BBS5: variants seen among roughly 807,000 people sequenced by gnomAD.
The protein encoded by BBS5 is Bardet-Biedl syndrome 5.
BBS5 carries 39 observed loss-of-function variants against 50.2 expected under a neutral mutation model. The ratio of observed to expected loss-of-function variants is 0.78; its 90% CI spans 0.60 to 1.01. The LOEUF (loss-of-function observed/expected upper bound fraction) is 1.01. Ranked by LOEUF, BBS5 falls within the 50% of genes least tolerant of loss-of-function variation. The pLI is 0.00. For synonymous variants in BBS5, 134 were observed against 133.1 expected (o/e 1.01, Z -0.05); for missense variants, 356 against 401.5 (o/e 0.89, Z 0.97).
chr2:169,489,474 ATT>A (rs1297639777), intron 5 of BBS5, among the ~76,000 whole-genome samples: 4 of 136,096 alleles, frequency 2.9e-5, no homozygotes, highest in Non-Finnish European at 3.3e-5. Flanking sequence ...AAAAAAAAAA[ATT>A]TTTTTTTTTT....
chr2:169,489,315 T>C (rs967568700), intron 5 of BBS5, among the ~76,000 whole-genome samples: 3 of 151,726 alleles, frequency 2.0e-5, no homozygotes, highest in African/African-American at 7.3e-5. Context: ...ACAAAAAAAT[T>C]AGCTGAGCAT....
chr2:169,492,120 C>T (rs1263459739), intron 5 of BBS5, among the ~76,000 whole-genome samples: 3 of 151,758 alleles, frequency 2.0e-5, no homozygotes, highest in South Asian at 2.1e-4. Context: ...AATAATTGGA[C>T]GCCTGTTTAT....
Position 169,487,830 on chromosome 2 carries a change from A to G in BBS5, c.233A>G (p.Asn78Ser). Residue 78 changes from asparagine (N) to serine (S), a missense_variant, in exon 4 of 12, where the codon AAT (asparagine) becomes AGT (serine). Transcript: ENST00000295240. ...NVSVGYNCIL[N>S]ITTRTANSKL... ...GCTGTCGGTTACAATTGCATATTGA[A>G]TATTACAACAAGGACTGCTAACTCT... 6.2e-7 allele frequency: 1 copy of G among 1,608,440 alleles called. No homozygotes were observed. Among genetic ancestry groups the G allele is most frequent in the Non-Finnish European group, 8.5e-7 (1 of 1,175,568 alleles).
Position 169,505,008 on chromosome 2 carries a change from A to G in BBS5, c.*426A>G. ...AAAGAACTTCTTCCCAAAATGGCCGAAGCTGGACTGTACTGCTGCCATCTC... is the reference window on the plus strand; with the variant it reads ...AAAGAACTTCTTCCCAAAATGGCCGGAGCTGGACTGTACTGCTGCCATCTC... On this transcript the variant is annotated 3_prime_UTR_variant, in exon 12 of 12. Coordinates refer to ENST00000295240, the MANE Select transcript of BBS5 (RefSeq NM_152384.3). 1.2e-6 allele frequency: 2 copies of G among 1,605,670 alleles called. No individual in the cohort carries two copies. Among genetic ancestry groups the G allele is most frequent in the East Asian group, 4.5e-5 (2 of 44,828 alleles).
intron 10 of BBS5, among the ~76,000 whole-genome samples, chr2:169,503,881 A>G (rs916184320): frequency 1.3e-5 from 2 of 152,246 alleles, no homozygotes; most frequent in Non-Finnish European, 2.9e-5. Context: ...CTCAAACTGT[A>G]TGCATCTGCT....
At chr2:169,487,612 GA>G (rs1385350791) in intron 3 of BBS5, 193 bp from the exon 4 acceptor site, 2 of 443,804 alleles carry the variant, frequency 4.5e-6, no homozygotes, top group African/African-American at 4.1e-5. Flanking sequence ...TTTGTTCAAG[GA>G]GACAGAATTG....
chr2:169,503,506 GAAAA>G (rs1168705916), intron 10 of BBS5, among the ~76,000 whole-genome samples: 1 of 151,022 alleles, frequency 6.6e-6, no homozygotes, highest in Non-Finnish European at 1.5e-5. Context: ...TATAAAAAAA[GAAAA>G]AAAAGGAAAG....
Position 169,479,532 on chromosome 2 carries a change from C to T in BBS5, c.-22C>T, listed in dbSNP as rs111636835. On this transcript the variant is annotated 5_prime_UTR_variant, in exon 1 of 12. Coordinates refer to ENST00000295240, the MANE Select transcript of BBS5 (RefSeq NM_152384.3). ...TAGGCCTGCACGGCTGTGGAGAGAT[C>T]CTGCCACGGGCCTTGTTCACCATGT... 5.1e-3 allele frequency: 8,169 copies of T among 1,614,024 alleles called. 355 individuals carry two copies. The African/African-American group carries it at 0.095, about 19-fold the overall frequency.
At chr2:169,489,567 G>C (rs1683553339) in intron 5 of BBS5, among the ~76,000 whole-genome samples, 1 of 149,782 alleles carries the variant, frequency 6.7e-6, no homozygotes, top group African/African-American at 2.5e-5. Flanking sequence ...CAGCCTCCCA[G>C]AGTGCTGGGA....
chr2:169,480,492 C>A (rs527400964), intron 1 of BBS5, among the ~76,000 whole-genome samples: 3 of 151,920 alleles, frequency 2.0e-5, no homozygotes, highest in African/African-American at 7.3e-5. Context: ...CGTTCCTTAT[C>A]ATGGACCTCA....
rs990584365 is a variant in BBS5 at position 169,497,800 on chromosome 2, T to G, written c.681+111T>G. On this transcript the variant is annotated intron_variant, in intron 8 of 11. Coordinates refer to ENST00000295240, the MANE Select transcript of BBS5 (RefSeq NM_152384.3). ...GTTTACATCTGAGAAGAATATTAGC[T>G]TTAATATGAAGTTATATATGAAGTG... is the stretch of plus-strand genomic sequence containing the variant. 7 of 730,848 alleles carry G rather than the reference T, an allele frequency of 9.6e-6. No individual in the cohort carries two copies. The African/African-American group carries it at 1.2e-4, about 13-fold the overall frequency. The allele number at this position is 730,848 out of a possible 1,614,324, so 45.3% of individuals were successfully genotyped here. A position where few individuals can be genotyped will look rare whatever the true frequency, so the allele number is the denominator to read the frequency against.
chr2:169,494,401 T>C (rs939945699), intron 7 of BBS5, among the ~76,000 whole-genome samples: 10 of 152,170 alleles, frequency 6.6e-5, no homozygotes, highest in Admixed American at 3.9e-4. Flanking sequence ...TGATAATACT[T>C]TCAGCTTAAG....
Position 169,480,033 on chromosome 2 carries a change from CCA to C in BBS5, c.59+424_59+425del, listed in dbSNP as rs1158197468. Among the ~76,000 whole-genome samples the C allele has an allele frequency of 1.4e-4, 21 of 152,226 alleles. No homozygotes were observed. The Middle Eastern group carries it at 0.01, about 74-fold the overall frequency. On this transcript the variant is annotated intron_variant, in intron 1 of 11. Transcript: ENST00000295240. Reference sequence around the variant, plus strand: ...CTAAAAGTAGATGTGTAATATCGACCCACAGTGTGGGCCCTTGAGCAGATGTC... The same window carrying C: ...CTAAAAGTAGATGTGTAATATCGACCCAGTGTGGGCCCTTGAGCAGATGTC...
intron 10 of BBS5, 138 bp downstream of exon 10, chr2:169,503,316 T>A: frequency 1.4e-6 from 1 of 737,578 alleles, no homozygotes; most frequent in Non-Finnish European, 2.3e-6. Context: ...AGATAATATT[T>A]TTAGTGAGGG....
Position 169,504,906 on chromosome 2 carries a change from A to G in BBS5, c.*324A>G. ...GCCCGGCTGCAAATTCGCCCAGCCA[A>G]TGGGGACGTTGCGGCCCAGTGGGTG... is the stretch of plus-strand genomic sequence containing the variant. On this transcript the variant is annotated 3_prime_UTR_variant, in exon 12 of 12. Transcript: ENST00000295240. The G allele has an allele frequency of 6.2e-7, 1 of 1,613,764 alleles. No individual in the cohort carries two copies. Among genetic ancestry groups the G allele is most frequent in the Non-Finnish European group, 8.5e-7 (1 of 1,179,908 alleles).
At chr2:169,502,169 G>A (rs536390614) in intron 9 of BBS5, among the ~76,000 whole-genome samples, 2 of 152,212 alleles carry the variant, frequency 1.3e-5, no homozygotes, top group Non-Finnish European at 2.9e-5. Context: ...CACACGATAG[G>A]CTCTTAGTGA....
At position 169,487,863 on chromosome 2, in the gene BBS5, T is replaced by TA. The variant is rs767482506; in HGVS notation, c.258+14dup. On this transcript the variant is annotated intron_variant, in intron 4 of 11. Transcript: ENST00000295240. The stretch of plus-strand genomic sequence containing the variant: ...ACAAGGACTGCTAACTCTGTAAGTC[T>TA]AAAAAATCTTATTGCAATATATATA... 5.6e-6 allele frequency: 9 copies of TA among 1,596,348 alleles called. No individual in the cohort carries two copies. In the Admixed American group the frequency reaches 1.2e-4, roughly 21 times the overall value.
chr2:169,492,757 CATA>C (rs1431467499), intron 5 of BBS5, 114 bp from the exon 6 acceptor site: 2 of 912,170 alleles, frequency 2.2e-6, no homozygotes, highest in Non-Finnish European at 3.3e-6. Context: ...TAAAATGTAT[CATA>C]ATTATTTGAG....
At chr2:169,486,310 CTT>C (rs1683488358) in intron 2 of BBS5, among the ~76,000 whole-genome samples, 1 of 152,118 alleles carries the variant, frequency 6.6e-6, no homozygotes, top group Non-Finnish European at 1.5e-5. Context: ...CAAAGTGAGT[CTT>C]ATTATTTCAG....
Sources: gnomAD v4.1 joint callset for allele counts (sites outside exome capture counted in the v4.1 genomes callset) on GRCh38, gnomAD v4.1.1 for gene constraint, MANE v1.5 for transcripts, NCBI Gene and HGNC (gene_info 2026-07-23, HGNC 2026-07-21) for gene names.